Variants in EDDM13 observed in about 807,000 individuals in gnomAD.
EDDM13 encodes epididymal protein 13.
In EDDM13, 24 loss-of-function variants were observed where a neutral mutation model predicts 17.8. The ratio of observed to expected loss-of-function variants is 1.35; its 90% confidence interval spans 0.98 to 1.90. EDDM13 has a LOEUF of 1.90. Ranked by LOEUF, EDDM13 falls within the 40% of genes most tolerant of loss-of-function variation. The pLI is 0.00. For missense variants in EDDM13, 97 were observed against 100.8 expected (o/e 0.96, Z 0.16); for synonymous variants, 31 against 37.5 (o/e 0.83, Z 0.63).
intron 4 of EDDM13, 125 bp downstream of exon 4, chr19:56,282,624 G>A (rs571332578): frequency 3.8e-5 from 17 of 444,462 alleles, no homozygotes; most frequent in South Asian, 1.9e-4. Flanking sequence ...TTCTAATAGC[G>A]GAACTAGTAA....
Position 56,301,919 on chromosome 19 carries a change from G to A in EDDM13, c.296-49G>A, listed in dbSNP as rs146216588. On this transcript the variant is annotated intron_variant, in intron 12 of 14. Transcript: ENST00000649256. ...GACAGCAGTGACAGGAAGCTCTAAG[G>A]CAGGAAGGGAAGGCCATCAGCATCA... The A allele has an allele frequency of 6.5e-6, 8 of 1,231,976 alleles. No individual in the cohort carries two copies. In the East Asian group the frequency reaches 2.2e-4, roughly 34 times the overall value. The allele number at this position is 1,231,976 out of a possible 1,614,324, so 76.3% of individuals were successfully genotyped here.
At chr19:56,308,177 G>A (rs1345255670) in intron 14 of EDDM13, among the ~76,000 whole-genome samples, 2 of 152,178 alleles carry the variant, frequency 1.3e-5, no homozygotes, top group Admixed American at 1.3e-4. Context: ...GGGACTACAG[G>A]CGAGTGCCAC....
At chr19:56,301,788 T>G in intron 12 of EDDM13, 180 bp from the exon 13 acceptor site, 1 of 536,854 alleles carries the variant, frequency 1.9e-6, no homozygotes, top group Non-Finnish European at 2.8e-6. Context: ...TTGTCTGGAG[T>G]ATGGTGGTAA....
chr19:56,275,935 GTAGCTTTATTGA>G (rs2038215953), intron 1 of EDDM13, among the ~76,000 whole-genome samples, 145 bp from the exon 2 acceptor site: 1 of 152,228 alleles, frequency 6.6e-6, no homozygotes, highest in African/African-American at 2.4e-5. Flanking sequence ...ATGGGCCCGA[GTAGCTTTATTGA>G]TAGCAGTGAG....
rs1361309592 is a variant in EDDM13, at chr19:56,282,491, T to C, written c.110T>C (p.Leu37Ser). The C allele has an allele frequency of 4.1e-6, 4 of 985,406 alleles. No individual in the cohort carries two copies. Among genetic ancestry groups the C allele is most frequent in the Non-Finnish European group, 4.8e-6 (4 of 829,920 alleles). The allele number at this position is 985,406 out of a possible 1,614,324, so 61.0% of individuals were successfully genotyped here. A position where few individuals can be genotyped will look rare whatever the true frequency, so the allele number is the denominator to read the frequency against. ...CTTCCTGCTGCTTGTCTGCCAACAG[T>C]GCTGAAAGGTAAGCTTCTCATTCCA... Reference protein sequence around the residue: ...REVATKEKINLLKGIIGLMSR... With the variant: ...REVATKEKINSLKGIIGLMSR... The change falls in exon 4 of 15, where the codon TTG becomes TCG. Residue 37 changes from leucine to serine, a missense_variant and splice_region_variant. Physicochemically the swap from Leu to Ser is moderately radical, Grantham distance 145. Coordinates refer to ENST00000649256, the MANE Select transcript of EDDM13 (RefSeq NM_001354658.2).
Position 56,302,044 on chromosome 19 carries a change from C to A in EDDM13, c.372C>A (p.Cys124Ter), listed in dbSNP as rs114638449. ...KRKNTWNFLK[C>*]AYMVMTYLFV... ...AGAACACGTGGAACTTCCTGAAATG[C>A]GCCTACATGGTGATGACCTACCTCT... The change falls in exon 13 of 15, where the codon TGC (cysteine) becomes TGA (stop). Residue 124 changes from cysteine (C) to a stop codon, truncating the protein, a stop_gained. Transcript: ENST00000649256. LOFTEE classifies it high-confidence loss of function. 31 of 1,231,898 alleles carry A rather than the reference C, an allele frequency of 2.5e-5. No individual in the cohort carries two copies. Among genetic ancestry groups the A allele is most frequent in the Non-Finnish European group, 3.0e-5 (30 of 988,164 alleles). 76.3% of individuals were successfully genotyped at this position (1,231,898 alleles called of 1,614,324 possible).
chr19:56,287,343 C>G (rs1227026941), intron 6 of EDDM13, among the ~76,000 whole-genome samples: 1 of 152,206 alleles, frequency 6.6e-6, no homozygotes, highest in Non-Finnish European at 1.5e-5. Flanking sequence ...GTCAGTCCAG[C>G]CTCGAGCACA....
Position 56,302,658 on chromosome 19 carries a change from CCT to C in EDDM13, c.423+564_423+565del, listed in dbSNP as rs370654240. Among the ~76,000 whole-genome samples the C allele has an allele frequency of 2.3e-3, 279 of 120,876 alleles. 2 individuals carry two copies. The East Asian group carries it at 0.024, about 10-fold the overall frequency. The allele number at this position is 120,876 out of a possible 152,430, so 79.3% of individuals were successfully genotyped here. ...CTCCCTTCCTTTTCTTCCCCCCCTC[CCT>C]GTTCTTTCCTTCCTCCTTCCCTCCT... On this transcript the variant is annotated intron_variant, in intron 13 of 14. Transcript: ENST00000649256.
At chr19:56,309,825 G>C (rs982515513) in intron 14 of EDDM13, among the ~76,000 whole-genome samples, 1 of 152,186 alleles carries the variant, frequency 6.6e-6, no homozygotes, top group Admixed American at 6.5e-5. Flanking sequence ...CCACTGGCTG[G>C]TTTCTAGAAG....
intron 6 of EDDM13, chr19:56,286,561 A>G (rs1192650773): frequency 1.3e-5 from 2 of 152,236 alleles, no homozygotes; most frequent in African/African-American, 4.8e-5. Flanking sequence ...GAAGATAAAT[A>G]TCATGAAAAC....
intron 2 of EDDM13, among the ~76,000 whole-genome samples, chr19:56,281,135 T>C (rs764473319): frequency 2.0e-5 from 3 of 152,220 alleles, no homozygotes; most frequent in Non-Finnish European, 4.4e-5. Flanking sequence ...GAAAATGTTA[T>C]TAAGAAAGAG....
intron 12 of EDDM13, among the ~76,000 whole-genome samples, chr19:56,300,965 G>C (rs2040188073): frequency 1.3e-5 from 2 of 152,138 alleles, no homozygotes. Flanking sequence ...CACTCATGTG[G>C]GAGATGGATG....
intron 1 of EDDM13, among the ~76,000 whole-genome samples, chr19:56,273,159 T>C (rs915559616): frequency 1.3e-5 from 2 of 152,178 alleles, no homozygotes; most frequent in African/African-American, 4.8e-5. Flanking sequence ...TCTGTGACTT[T>C]GGGGAGACAC....
intron 4 of EDDM13, 119 bp downstream of exon 4, chr19:56,282,618 A>C (rs2038799230): frequency 1.9e-6 from 1 of 513,380 alleles, no homozygotes; most frequent in Admixed American, 6.4e-5. Context: ...CTTAGCTTCT[A>C]ATAGCGGAAC....
chr19:56,277,594 A>G (rs2038362409), intron 2 of EDDM13, among the ~76,000 whole-genome samples: 3 of 152,170 alleles, frequency 2.0e-5, no homozygotes. Flanking sequence ...GGGGTGATTA[A>G]AGCCTCTAAA....
At chr19:56,302,931 G>A (rs966181997) in intron 13 of EDDM13, 4 of 398,498 alleles carry the variant, frequency 1.0e-5, no homozygotes, top group Middle Eastern at 6.3e-4. Context: ...TGTAAGGGAG[G>A]CAGACATCCA....
At position 56,272,932 on chromosome 19, in the gene EDDM13, G is replaced by C. The variant is rs2037959206; in HGVS notation, c.85+13G>C. 1 of 979,314 alleles carries C rather than the reference G, an allele frequency of 1.0e-6. No individual in the cohort carries two copies. The highest frequency in any genetic ancestry group is 1.2e-6 in the Non-Finnish European group (1 of 824,462). The allele number at this position is 979,314 out of a possible 1,614,324, so 60.7% of individuals were successfully genotyped here. On this transcript the variant is annotated intron_variant, in intron 1 of 14. Coordinates refer to ENST00000649256, the MANE Select transcript of EDDM13 (RefSeq NM_001354658.2). Reference sequence around the variant, plus strand: ...ACTCCTCGTGAAGGTAATGCTTCCAGCCATGCCTTGTGTCCTCTATGTATT... The same window carrying C: ...ACTCCTCGTGAAGGTAATGCTTCCACCCATGCCTTGTGTCCTCTATGTATT...
chr19:56,301,941 A>C, intron 12 of EDDM13, 27 bp from the exon 13 acceptor site: 1 of 1,232,064 alleles, frequency 8.1e-7, no homozygotes, highest in Non-Finnish European at 1.0e-6. Context: ...GGCCATCAGC[A>C]TCAATCATCT....
chr19:56,289,981 A>T (rs1454491949), intron 8 of EDDM13, among the ~76,000 whole-genome samples: 4 of 152,232 alleles, frequency 2.6e-5, no homozygotes, highest in African/African-American at 4.8e-5. Context: ...GAAGAAAACG[A>T]ATACTGGAGA....
Sources: gnomAD v4.1 joint callset for allele counts (sites outside exome capture counted in the v4.1 genomes callset) on GRCh38, gnomAD v4.1.1 for gene constraint, MANE v1.5 for transcripts, NCBI Gene and HGNC (gene_info 2026-07-23, HGNC 2026-07-21) for gene names.